EFCAB6: variants seen among roughly 807,000 people sequenced by gnomAD.
The protein encoded by EFCAB6 is EF-hand calcium-binding domain-containing protein 6.
Under a neutral mutation model 169.8 loss-of-function variants are expected in EFCAB6, and 156 were observed. The ratio of observed to expected loss-of-function variants is 0.92; its 90% confidence interval spans 0.81 to 1.05. The LOEUF (loss-of-function observed/expected upper bound fraction) is 1.05. Ranked by LOEUF, EFCAB6 falls within the 50% of genes least tolerant of loss-of-function variation. The pLI is 0.00. For missense variants in EFCAB6, 1,800 were observed against 1,829.1 expected, an observed-to-expected ratio of 0.98 and a Z score of 0.29; for synonymous variants, 698 against 676.4, an observed-to-expected ratio of 1.03 and a Z score of -0.50.
intron 17 of EFCAB6, among the ~76,000 whole-genome samples, chr22:43,661,378 A>G (rs1298215335): frequency 6.6e-6 from 1 of 152,160 alleles, no homozygotes; most frequent in Non-Finnish European, 1.5e-5. Context: ...TCTTGCCTCT[A>G]AATAAATAAA....
At chr22:43,715,217 T>A (rs1199344993) in intron 9 of EFCAB6, among the ~76,000 whole-genome samples, 5 of 152,130 alleles carry the variant, frequency 3.3e-5, no homozygotes, top group Admixed American at 1.3e-4. Context: ...TCATCCAGAG[T>A]TCTTAGTGTC....
In EFCAB6 at chr22:43,559,338, T is replaced by G. The variant is rs547831756; in HGVS notation, c.3421-4242A>C. Among the ~76,000 whole-genome samples, 3 of 152,166 alleles carry G rather than the reference T, an allele frequency of 2.0e-5. No individual in the cohort carries two copies. The South Asian group carries it at 6.2e-4, about 32-fold the overall frequency. On this transcript the variant is annotated intron_variant, in intron 26 of 31. Coordinates refer to ENST00000262726, the MANE Select transcript of EFCAB6 (RefSeq NM_022785.4). ...TACCCTCTTACGCCAGTTAGAATGGTGATTATTAAGAAGTCAGGAAACAAC... is the reference window on the plus strand; with the variant it reads ...TACCCTCTTACGCCAGTTAGAATGGGGATTATTAAGAAGTCAGGAAACAAC...
chr22:43,759,893 A>G (rs1384730629), intron 5 of EFCAB6: 1 of 152,148 alleles, frequency 6.6e-6, no homozygotes, highest in African/African-American at 2.4e-5. Context: ...AATGGCATTA[A>G]GTTTTGGCTG....
At chr22:43,727,088 C>T (rs1408694867) in intron 8 of EFCAB6, among the ~76,000 whole-genome samples, 1 of 152,082 alleles carries the variant, frequency 6.6e-6, no homozygotes, top group Admixed American at 6.6e-5. Context: ...TTTTAAAACC[C>T]AAACCCTGAG....
chr22:43,681,613 A>AG (rs1274207126), intron 12 of EFCAB6, among the ~76,000 whole-genome samples: 2 of 152,128 alleles, frequency 1.3e-5, no homozygotes, highest in Non-Finnish European at 2.9e-5. Context: ...TTGATTTTTT[A>AG]AAATGTTATT....
At position 43,696,852 on chromosome 22, in the gene EFCAB6, G is replaced by A. The variant is rs533599294; in HGVS notation, c.1032-9271C>T. 6.6e-5 allele frequency among the ~76,000 whole-genome samples: 10 copies of A among 152,272 alleles called. 1 individual carries two copies. Among genetic ancestry groups the A allele is most frequent in the African/African-American group, 2.4e-4 (10 of 41,574 alleles). On this transcript the variant is annotated intron_variant, in intron 10 of 31. Coordinates refer to ENST00000262726, the MANE Select transcript of EFCAB6 (RefSeq NM_022785.4). ...ATGTAAAATTATAGGGCTATGAAGT[G>A]TTTTAAATCTTGACTGCAGTAGTGG...
At chr22:43,777,945 A>G (rs1231140776) in intron 3 of EFCAB6, among the ~76,000 whole-genome samples, 1 of 152,208 alleles carries the variant, frequency 6.6e-6, no homozygotes, top group Non-Finnish European at 1.5e-5. Flanking sequence ...AAAATTTTCT[A>G]TATCCGCTTA....
At chr22:43,581,028 G>A (rs1171267652) in intron 24 of EFCAB6, among the ~76,000 whole-genome samples, 1 of 152,198 alleles carries the variant, frequency 6.6e-6, no homozygotes, top group Non-Finnish European at 1.5e-5. Flanking sequence ...GTGAAAGTAT[G>A]TTGGCAGGGA....
intron 9 of EFCAB6, among the ~76,000 whole-genome samples, chr22:43,712,777 T>C (rs867468681): frequency 3.4e-5 from 5 of 147,924 alleles, no homozygotes; most frequent in African/African-American, 1.0e-4. Flanking sequence ...TAATGACATA[T>C]GGTTTTCCAT....
chr22:43,727,115 A>G (rs2059765363), intron 8 of EFCAB6, among the ~76,000 whole-genome samples: 1 of 152,212 alleles, frequency 6.6e-6, no homozygotes, highest in Non-Finnish European at 1.5e-5. Flanking sequence ...TAGTTGTTGG[A>G]ATTAACAGAT....
chr22:43,585,013 T>C (rs954932395), intron 24 of EFCAB6, among the ~76,000 whole-genome samples: 1 of 152,118 alleles, frequency 6.6e-6, no homozygotes, highest in African/African-American at 2.4e-5. Flanking sequence ...ATAAAATCTC[T>C]AAAGGCTTAT....
intron 8 of EFCAB6, among the ~76,000 whole-genome samples, chr22:43,724,938 T>C (rs772702261): frequency 2.6e-5 from 4 of 152,180 alleles, no homozygotes; most frequent in Non-Finnish European, 5.9e-5. Context: ...TCTTAGTCCT[T>C]TTTATGTTGC....
chr22:43,700,640 A>G (rs1464529335), intron 10 of EFCAB6, among the ~76,000 whole-genome samples: 1 of 151,830 alleles, frequency 6.6e-6, no homozygotes, highest in Non-Finnish European at 1.5e-5. Context: ...CTCACTTCCA[A>G]CCCTGGCAAA....
At chr22:43,683,640 T>C in intron 12 of EFCAB6, 107 bp downstream of exon 12, 3 of 840,932 alleles carry the variant, frequency 3.6e-6, no homozygotes, top group East Asian at 2.4e-5. Context: ...GAAGTGTTTG[T>C]TGGATGGATA....
intron 21 of EFCAB6, among the ~76,000 whole-genome samples, chr22:43,614,713 C>T (rs1320591454): frequency 6.6e-6 from 1 of 152,184 alleles, no homozygotes; most frequent in Non-Finnish European, 1.5e-5. Flanking sequence ...ACAGTCCACT[C>T]CATAGAGTAC....
chr22:43,737,910 T>C (rs1232107640), intron 6 of EFCAB6, among the ~76,000 whole-genome samples: 1 of 149,286 alleles, frequency 6.7e-6, no homozygotes, highest in Non-Finnish European at 1.5e-5. Context: ...CATATACATA[T>C]CACACACATG....
At chr22:43,710,729 C>T (rs1420772561) in intron 10 of EFCAB6, among the ~76,000 whole-genome samples, 1 of 152,042 alleles carries the variant, frequency 6.6e-6, no homozygotes, top group Non-Finnish European at 1.5e-5. Context: ...GATAAGATCA[C>T]GAAAAGAGAG....
intron 16 of EFCAB6, among the ~76,000 whole-genome samples, chr22:43,667,617 G>A (rs1186556561): frequency 1.3e-5 from 2 of 152,094 alleles, no homozygotes; most frequent in Non-Finnish European, 2.9e-5. Flanking sequence ...ACACAGGGTT[G>A]AAAAAGGATA....
rs1255330357 is a variant in EFCAB6, at chr22:43,580,583, C to A, written c.3109G>T (p.Gly1037Ter). Residue 1037 changes from glycine to a stop codon, truncating the protein, a stop_gained, in exon 25 of 32, where the codon GGA (glycine) becomes TGA (stop). Transcript: ENST00000262726. LOFTEE classifies it high-confidence loss of function. ...TCTTCTTTTTCCTTGGGCTGAGCTC[C>A]TGTTGACTTGCTGTTCTCCACTGCT... Reference protein sequence around the residue: ...LRAVENSKSTGAQPKEKEESM... With the variant: ...LRAVENSKST 8 of 1,614,152 alleles carry A rather than the reference C, an allele frequency of 5.0e-6. No individual in the cohort carries two copies. Among genetic ancestry groups the A allele is most frequent in the Non-Finnish European group, 6.8e-6 (8 of 1,180,018 alleles).
Sources: gnomAD v4.1 joint callset for allele counts (sites outside exome capture counted in the v4.1 genomes callset) on GRCh38, gnomAD v4.1.1 for gene constraint, MANE v1.5 for transcripts, NCBI Gene and HGNC (gene_info 2026-07-23, HGNC 2026-07-21) for gene names.